NDUFAF2: variants seen among roughly 807,000 people sequenced by gnomAD.
NDUFAF2 encodes the protein NADH:ubiquinone oxidoreductase complex assembly factor 2.
A neutral mutation model predicts 22.8 loss-of-function variants in NDUFAF2; 13 were observed. That is an observed-to-expected ratio of 0.57 (90% CI 0.37 to 0.91). The LOEUF is 0.91. Among genes scored for constraint, NDUFAF2 ranks in the 40% least tolerant of loss-of-function variants. The pLI is 0.01. For missense variants in NDUFAF2, 162 were observed against 195.2 expected, an observed-to-expected ratio of 0.83 and a Z score of 1.01; for synonymous variants, 53 against 64.2, an observed-to-expected ratio of 0.83 and a Z score of 0.84.
intron 1 of NDUFAF2, among the ~76,000 whole-genome samples, chr5:60,983,106 A>G (rs964819393): frequency 5.3e-5 from 8 of 150,992 alleles, no homozygotes; most frequent in African/African-American, 1.5e-4. Context: ...CTGGTGTGAG[A>G]TGGTATCTCA....
chr5:61,049,822 A>G (rs1458816374), intron 1 of NDUFAF2, among the ~76,000 whole-genome samples: 1 of 151,350 alleles, frequency 6.6e-6, no homozygotes, highest in African/African-American at 2.4e-5. Context: ...ATTTATATAC[A>G]TATATATAAA....
At chr5:61,076,778 A>G (rs1752376488) in intron 2 of NDUFAF2, among the ~76,000 whole-genome samples, 1 of 152,180 alleles carries the variant, frequency 6.6e-6, no homozygotes, top group South Asian at 2.1e-4. Flanking sequence ...AAATATGGAG[A>G]CAGGAAGCTC....
chr5:60,973,686 A>G (rs989995868), intron 1 of NDUFAF2, among the ~76,000 whole-genome samples: 1 of 152,154 alleles, frequency 6.6e-6, no homozygotes, highest in Non-Finnish European at 1.5e-5. Flanking sequence ...TTAGTAGAAT[A>G]TGTCTTGGAG....
At chr5:61,130,467 G>C (rs560760012) in intron 3 of NDUFAF2, among the ~76,000 whole-genome samples, 4 of 152,236 alleles carry the variant, frequency 2.6e-5, no homozygotes, top group Admixed American at 2.0e-4. Flanking sequence ...TTATTGAACC[G>C]GAAGAATTTC....
intron 2 of NDUFAF2, among the ~76,000 whole-genome samples, chr5:61,084,967 T>G (rs1752489195): frequency 6.6e-6 from 1 of 152,166 alleles, no homozygotes; most frequent in African/African-American, 2.4e-5. Context: ...ATGCACATTT[T>G]TTTCCATATG....
intron 3 of NDUFAF2, among the ~76,000 whole-genome samples, chr5:61,113,500 T>G (rs982242507): frequency 2.6e-5 from 4 of 152,118 alleles, no homozygotes; most frequent in African/African-American, 9.7e-5. Flanking sequence ...AATCCCCAGG[T>G]GTTGTGGGAG....
chr5:61,099,338 G>C (rs1315298130), intron 3 of NDUFAF2, among the ~76,000 whole-genome samples: 10 of 151,392 alleles, frequency 6.6e-5, no homozygotes, highest in Admixed American at 6.6e-4. Context: ...TTTGCACCAG[G>C]TTATTTCCCC....
chr5:60,967,161 T>C (rs911678152), intron 1 of NDUFAF2, among the ~76,000 whole-genome samples: 1 of 152,014 alleles, frequency 6.6e-6, no homozygotes, highest in Admixed American at 6.5e-5. Context: ...TTTATCAGTG[T>C]ATAGAAACAC....
chr5:61,112,733 A>T (rs751899481), intron 3 of NDUFAF2, among the ~76,000 whole-genome samples: 5 of 152,096 alleles, frequency 3.3e-5, no homozygotes, highest in Non-Finnish European at 7.4e-5. Flanking sequence ...TAGAGAATTC[A>T]TGCTATTTAC....
intron 3 of NDUFAF2, among the ~76,000 whole-genome samples, chr5:61,133,550 C>T (rs1169590748): frequency 7.2e-5 from 11 of 151,974 alleles, no homozygotes; most frequent in Non-Finnish European, 1.2e-4. Flanking sequence ...CAATTTTCAG[C>T]GTTACAAAGG....
rs1270600997 is a variant in NDUFAF2, at chr5:61,070,301, C to T, written c.128-2824C>T. Among the ~76,000 whole-genome samples, 12 of 152,012 alleles carry T rather than the reference C, an allele frequency of 7.9e-5. No homozygotes were observed. In the East Asian group the frequency reaches 2.3e-3, roughly 29 times the overall value. On this transcript the variant is annotated intron_variant, in intron 1 of 3. Coordinates refer to ENST00000296597, the MANE Select transcript of NDUFAF2 (RefSeq NM_174889.5). ...AAGCATATTAGTATAAGTAAGTGTA[C>T]AGTTTGTGCATAATTCCTTACTCAG...
At chr5:61,030,801 A>G (rs1238359069) in intron 1 of NDUFAF2, among the ~76,000 whole-genome samples, 1 of 152,092 alleles carries the variant, frequency 6.6e-6, no homozygotes, top group Admixed American at 6.6e-5. Context: ...ATTACTTACA[A>G]TTCTTCATAT....
chr5:61,040,612 T>G (rs538096730), intron 1 of NDUFAF2, among the ~76,000 whole-genome samples: 1 of 152,226 alleles, frequency 6.6e-6, no homozygotes, highest in East Asian at 1.9e-4. Flanking sequence ...ATGAAGTACT[T>G]GAGAGGAGAA....
At chr5:61,100,734 T>C (rs2111769820) in intron 3 of NDUFAF2, among the ~76,000 whole-genome samples, 1 of 152,258 alleles carries the variant, frequency 6.6e-6, no homozygotes, top group Non-Finnish European at 1.5e-5. Flanking sequence ...TGAAGTAAGT[T>C]GTGCTCGCTT....
intron 1 of NDUFAF2, among the ~76,000 whole-genome samples, chr5:61,027,128 T>G (rs1470451419): frequency 6.6e-6 from 1 of 151,804 alleles, no homozygotes; most frequent in East Asian, 1.9e-4. Flanking sequence ...AATTAAGTGT[T>G]GGTCTTTATT....
chr5:61,100,857 G>A (rs1752697160), intron 3 of NDUFAF2, among the ~76,000 whole-genome samples: 1 of 152,040 alleles, frequency 6.6e-6, no homozygotes, highest in African/African-American at 2.4e-5. Flanking sequence ...GTATTTCTCT[G>A]TACCTGACCA....
chr5:61,029,740 A>G lies in NDUFAF2; in HGVS notation c.128-43385A>G, dbSNP rs150413737. On this transcript the variant is annotated intron_variant, in intron 1 of 3. Transcript: ENST00000296597. Reference sequence around the variant, plus strand: ...ATCTGCCAAGCTGTTTGTAACAACCAGATAAAAGTATATTCCTATTTTCAG... The same window carrying G: ...ATCTGCCAAGCTGTTTGTAACAACCGGATAAAAGTATATTCCTATTTTCAG... Among the ~76,000 whole-genome samples, 217 of 152,316 alleles carry G rather than the reference A, an allele frequency of 1.4e-3. 1 individual carries two copies. Among genetic ancestry groups the G allele is most frequent in the African/African-American group, 5.0e-3 (209 of 41,586 alleles).
At chr5:61,115,655 C>T (rs1485532841) in intron 3 of NDUFAF2, 3 of 152,038 alleles carry the variant, frequency 2.0e-5, no homozygotes, top group East Asian at 1.9e-4. Flanking sequence ...TTTCATAAAA[C>T]ACCAGGCTTG....
intron 2 of NDUFAF2, among the ~76,000 whole-genome samples, chr5:61,080,500 A>T (rs1190782309): frequency 6.6e-6 from 1 of 152,160 alleles, no homozygotes; most frequent in Non-Finnish European, 1.5e-5. Context: ...GTTGTTCATC[A>T]TCTTCTCCAG....
Sources: gnomAD v4.1 joint callset for allele counts (sites outside exome capture counted in the v4.1 genomes callset) on GRCh38, gnomAD v4.1.1 for gene constraint, MANE v1.5 for transcripts, NCBI Gene and HGNC (gene_info 2026-07-23, HGNC 2026-07-21) for gene names.